KCNH5: variants seen among roughly 807,000 people sequenced by gnomAD.
The protein encoded by KCNH5 is voltage-gated delayed rectifier potassium channel KCNH5.
Under a neutral mutation model 96.1 loss-of-function variants are expected in KCNH5, and 46 were observed. The ratio of observed to expected loss-of-function variants is 0.48; its 90% CI spans 0.38 to 0.61. The LOEUF (loss-of-function observed/expected upper bound fraction) is 0.61. KCNH5 is among the 20% of genes least tolerant of loss of function. The probability of loss-of-function intolerance (pLI) is 0.00; values close to 1 mark genes in which losing one functional copy is unlikely to be tolerated. For missense variants in KCNH5, 907 were observed against 1,225.8 expected (o/e 0.74, Z 3.88); for synonymous variants, 439 against 449.8 (o/e 0.98, Z 0.30).
Position 63,001,456 on chromosome 14 carries a change from G to A in KCNH5, c.308C>T (p.Thr103Ile). 1.9e-6 allele frequency: 3 copies of A among 1,609,496 alleles called. No homozygotes were observed. The highest frequency in any genetic ancestry group is 4.5e-5 in the East Asian group (2 of 44,672). ...FEVLLYKKNR[T>I]PVWFYMQIAP... ...AATTTGCATATAAAACCAAACAGGG[G>A]TTCCTGTAACAGAAAGAAGTTGGGG... is the stretch of plus-strand genomic sequence containing the variant. The change falls in exon 4 of 11, where the codon ACC (threonine) becomes ATC (isoleucine). Residue 103 changes from threonine (T) to isoleucine (I), a missense_variant. Thr to Ile is a moderately conservative substitution (Grantham distance 89). Coordinates refer to ENST00000322893, the MANE Select transcript of KCNH5 (RefSeq NM_139318.5).
intron 5 of KCNH5, among the ~76,000 whole-genome samples, chr14:62,982,434 T>A (rs1890628245): frequency 1.3e-5 from 2 of 152,270 alleles, no homozygotes; most frequent in South Asian, 4.1e-4. Flanking sequence ...TGGAAATTTT[T>A]AAATATTTTC....
intron 9 of KCNH5, among the ~76,000 whole-genome samples, chr14:62,798,625 G>T (rs2139995867): frequency 6.6e-6 from 1 of 152,276 alleles, no homozygotes; most frequent in East Asian, 1.9e-4. Context: ...ATTGAAAAAA[G>T]ACATGAACTG....
chr14:62,924,140 C>T (rs984632232), intron 7 of KCNH5, among the ~76,000 whole-genome samples: 2 of 151,676 alleles, frequency 1.3e-5, no homozygotes, highest in East Asian at 1.9e-4. Context: ...ACAAATAACC[C>T]GACTTTAAAA....
intron 10 of KCNH5, among the ~76,000 whole-genome samples, chr14:62,733,859 T>C (rs984860229): frequency 6.6e-6 from 1 of 152,140 alleles, no homozygotes; most frequent in Non-Finnish European, 1.5e-5. Flanking sequence ...GTGCTCCCCA[T>C]AGTTCAGTCC....
At chr14:63,039,485 T>C (rs553943755) in intron 1 of KCNH5, among the ~76,000 whole-genome samples, 1 of 152,140 alleles carries the variant, frequency 6.6e-6, no homozygotes, top group African/African-American at 2.4e-5. Flanking sequence ...CAATTCAATA[T>C]AAATTATATA....
chr14:62,802,526 C>A lies in KCNH5; in HGVS notation c.1625G>T (p.Arg542Leu), dbSNP rs762196737. The A allele has an allele frequency of 6.2e-7, 1 of 1,614,066 alleles. No homozygotes were observed. Among genetic ancestry groups the A allele is most frequent in the East Asian group, 2.2e-5 (1 of 44,840 alleles). ...MRADICVHLN[R>L]KVFNEHPAFR... ...AGCAGGATGTTCATTAAAAACCTTC[C>A]GGTTTAGATGAACACAGATATCAGC... The change falls in exon 9 of 11, where the codon CGG (arginine) becomes CTG (leucine). Residue 542 changes from arginine to leucine, a missense_variant. Arg to Leu is a moderately radical substitution (Grantham distance 102). This residue lies in a region of KCNH5 where 95 missense variants were observed against 111.8 expected (regional missense o/e 0.85). Transcript: ENST00000322893.
intron 8 of KCNH5, among the ~76,000 whole-genome samples, chr14:62,823,331 A>AT (rs2140019859): frequency 6.6e-6 from 1 of 152,174 alleles, no homozygotes; most frequent in South Asian, 2.1e-4. Context: ...AAAAGTCAAA[A>AT]TTTTTCTGTT....
chr14:63,045,193 T>A lies in KCNH5; in HGVS notation c.-7A>T. 1 of 1,612,412 alleles carries A rather than the reference T, an allele frequency of 6.2e-7. No homozygotes were observed. The highest frequency in any genetic ancestry group is 8.5e-7 in the Non-Finnish European group (1 of 1,179,566). On this transcript the variant is annotated 5_prime_UTR_variant, in exon 1 of 11. Transcript: ENST00000322893. ...CTCTCTTGCCCCCCGGCATCCTGGGTCTGGAGAGCAGCGGCCAGGATCCGC... is the reference window on the plus strand; with the variant it reads ...CTCTCTTGCCCCCCGGCATCCTGGGACTGGAGAGCAGCGGCCAGGATCCGC...
At position 62,699,814 on chromosome 14, in the gene KCNH5, C is replaced by T. The variant is rs1025703637; in HGVS notation, c.*7694G>A. 1.3e-5 allele frequency: 2 copies of T among 152,106 alleles called. No individual in the cohort carries two copies. Among genetic ancestry groups the T allele is most frequent in the African/African-American group, 2.4e-5 (1 of 41,436 alleles). The allele number at this position is 152,106 out of a possible 1,614,324, so 9.4% of individuals were successfully genotyped here. On this transcript the variant is annotated 3_prime_UTR_variant, in exon 11 of 11. Coordinates refer to ENST00000322893, the MANE Select transcript of KCNH5 (RefSeq NM_139318.5). ...GTACATACAAAATTTCTATATTATA[C>T]ATTGCAGTATCTTTGTTTAAGTAGA...
At chr14:62,976,091 G>A in intron 6 of KCNH5, among the ~76,000 whole-genome samples, 1 of 144,524 alleles carries the variant, frequency 6.9e-6, no homozygotes. Flanking sequence ...TAGAAAATAG[G>A]AGATTTAAAA....
intron 7 of KCNH5, among the ~76,000 whole-genome samples, chr14:62,912,596 G>T (rs781094167): frequency 1.3e-5 from 2 of 151,806 alleles, no homozygotes; most frequent in Non-Finnish European, 2.9e-5. Context: ...TAGTAGAGAC[G>T]GGGTTTCACC....
rs1225841704 is a variant in KCNH5 at position 62,707,761 on chromosome 14, G to A, written c.2714C>T (p.Ala905Val). 6.2e-7 allele frequency: 1 copy of A among 1,613,996 alleles called. No individual in the cohort carries two copies. Among genetic ancestry groups the A allele is most frequent in the African/African-American group, 1.3e-5 (1 of 74,898 alleles). The change falls in exon 11 of 11, where the codon GCC (alanine) becomes GTC (valine). Residue 905 changes from alanine to valine, a missense_variant. Around this residue, in one of 6 missense-constraint regions of KCNH5, gnomAD observed 362 missense variants for 394.4 expected, o/e 0.92. Coordinates refer to ENST00000322893, the MANE Select transcript of KCNH5 (RefSeq NM_139318.5). The stretch of plus-strand genomic sequence containing the variant: ...GACTTCCTGCAGTGTGGTCTGTAAG[G>A]CCTGCTCGGGGATGGGATAAAAGGG... ...KHPFYPIPEQ[A>V]LQTTLQEVKH...
chr14:62,721,664 C>A (rs1432964491), intron 10 of KCNH5, among the ~76,000 whole-genome samples: 1 of 151,830 alleles, frequency 6.6e-6, no homozygotes, highest in Non-Finnish European at 1.5e-5. Flanking sequence ...TTTTATTTCC[C>A]TCCTACCTAG....
chr14:62,946,934 G>A (rs187390772), intron 7 of KCNH5, among the ~76,000 whole-genome samples: 33 of 152,162 alleles, frequency 2.2e-4, no homozygotes, highest in Non-Finnish European at 3.7e-4. Context: ...GGGGGAAATG[G>A]GTAGGTTACA....
At chr14:62,886,160 A>ACACACACACAC (rs59751883) in intron 7 of KCNH5, among the ~76,000 whole-genome samples, 1 of 143,222 alleles carries the variant, frequency 7.0e-6, no homozygotes, top group African/African-American at 2.6e-5. Flanking sequence ...ACACACACAC[A>ACACACACACAC]AGAATATCAC....
intron 9 of KCNH5, among the ~76,000 whole-genome samples, chr14:62,786,476 C>G (rs1055013952): frequency 7.2e-5 from 11 of 152,010 alleles, no homozygotes; most frequent in Non-Finnish European, 1.6e-4. Flanking sequence ...TAGTGAATCA[C>G]TATAGTGAAG....
At chr14:62,831,816 C>T (rs112247575) in intron 8 of KCNH5, among the ~76,000 whole-genome samples, 3 of 152,168 alleles carry the variant, frequency 2.0e-5, no homozygotes, top group South Asian at 2.1e-4. Flanking sequence ...TCAAGAAATC[C>T]TCCCACCTGA....
intron 10 of KCNH5, among the ~76,000 whole-genome samples, chr14:62,720,062 C>A (rs1459698197): frequency 6.6e-6 from 1 of 152,098 alleles, no homozygotes; most frequent in Non-Finnish European, 1.5e-5. Flanking sequence ...TAGGGAATGG[C>A]AGAGTGGTTG....
rs747312358 is a variant in KCNH5 at position 62,708,451 on chromosome 14, A to G, written c.2024T>C (p.Ile675Thr). Residue 675 changes from isoleucine to threonine, a missense_variant, in exon 11 of 11, where the codon ATC becomes ACC. Physicochemically the swap from Ile to Thr is moderately conservative, Grantham distance 89 (BLOSUM62 -1). Coordinates refer to ENST00000322893, the MANE Select transcript of KCNH5 (RefSeq NM_139318.5). Reference sequence around the variant, plus strand: ...CTTCACATCACTGATCTTACGAAAGATGATCTGTGGAACGGGAGAGATAGT... The same window carrying G: ...CTTCACATCACTGATCTTACGAAAGGTGATCTGTGGAACGGGAGAGATAGT... ...TLTCNLRKRI[I>T]FRKISDVKKE... 2.5e-6 allele frequency: 4 copies of G among 1,587,872 alleles called. No individual in the cohort carries two copies. In the African/African-American group the frequency reaches 4.0e-5, roughly 16 times the overall value.
Sources: gnomAD v4.1 joint callset for allele counts (sites outside exome capture counted in the v4.1 genomes callset) on GRCh38, gnomAD v4.1.1 for gene constraint, gnomAD v4.1.1 regional missense constraint, MANE v1.5 for transcripts, NCBI Gene and HGNC (gene_info 2026-07-23, HGNC 2026-07-21) for gene names.